The following CTNNA3 variants were observed in gnomAD, a reference collection of about 807,000 sequenced individuals.
CTNNA3 encodes catenin alpha 3.
A neutral mutation model predicts 95.7 loss-of-function variants in CTNNA3; 76 were observed. The observed-to-expected ratio is 0.79, with a 90% confidence interval of 0.66 to 0.96. CTNNA3 has a LOEUF of 0.96. Ranked by LOEUF, CTNNA3 falls within the 40% of genes least tolerant of loss-of-function variation. The pLI is 0.00. For synonymous variants in CTNNA3, 431 were observed against 374.4 expected, an observed-to-expected ratio of 1.15 and a Z score of -1.74; for missense variants, 1,191 against 1,089.8, an observed-to-expected ratio of 1.09 and a Z score of -1.31.
At chr10:67,722,430 T>G (rs1239686424) in intron 1 of CTNNA3, among the ~76,000 whole-genome samples, 1 of 152,204 alleles carries the variant, frequency 6.6e-6, no homozygotes, top group African/African-American at 2.4e-5. Context: ...TCCTTGAATT[T>G]TAACAGATAT....
intron 5 of CTNNA3, among the ~76,000 whole-genome samples, chr10:67,481,258 G>A (rs1027142593): frequency 6.6e-6 from 1 of 152,120 alleles, no homozygotes; most frequent in Non-Finnish European, 1.5e-5. Flanking sequence ...CTTCAGCATA[G>A]TACTGGAAGT....
At chr10:66,105,313 A>G (rs991549373) in intron 13 of CTNNA3, among the ~76,000 whole-genome samples, 3 of 152,184 alleles carry the variant, frequency 2.0e-5, no homozygotes, top group Non-Finnish European at 2.9e-5. Context: ...TTGTCACAGT[A>G]TTCTTGAGAA....
chr10:66,546,534 T>A (rs2939909), intron 10 of CTNNA3, among the ~76,000 whole-genome samples: 140,201 of 152,212 alleles, frequency 0.92, 64,764 homozygotes, highest in East Asian at 0.98. Context: ...ATTGACTCAC[T>A]GTTTAGCATG....
chr10:66,768,119 A>C (rs1287279132), intron 8 of CTNNA3, among the ~76,000 whole-genome samples: 1 of 152,234 alleles, frequency 6.6e-6, no homozygotes, highest in Non-Finnish European at 1.5e-5. Flanking sequence ...AGTTTCAGAT[A>C]CTGAAGAGAA....
chr10:67,052,767 GAAAC>G (rs1363984302), intron 7 of CTNNA3: 6 of 151,916 alleles, frequency 3.9e-5, no homozygotes, highest in African/African-American at 7.3e-5. Context: ...AACAAACAAA[GAAAC>G]AAACAAAGTT....
At chr10:67,365,066 T>C (rs1013515581) in intron 5 of CTNNA3, among the ~76,000 whole-genome samples, 5 of 151,974 alleles carry the variant, frequency 3.3e-5, no homozygotes, top group African/African-American at 1.2e-4. Context: ...TCAGAAATAA[T>C]ACCACACATC....
chr10:67,144,730 ATCT>A (rs1451605494), intron 7 of CTNNA3, among the ~76,000 whole-genome samples: 1 of 152,124 alleles, frequency 6.6e-6, no homozygotes, highest in Non-Finnish European at 1.5e-5. Flanking sequence ...GGCTGGTTTG[ATCT>A]TCTATCCAGA....
chr10:67,681,149 G>C (rs1335095585), intron 1 of CTNNA3, among the ~76,000 whole-genome samples: 4 of 152,114 alleles, frequency 2.6e-5, no homozygotes, highest in Non-Finnish European at 5.9e-5. Flanking sequence ...AATGTCCACA[G>C]ACCACTTGAG....
chr10:66,910,371 T>C (rs1486308086), intron 7 of CTNNA3, among the ~76,000 whole-genome samples: 1 of 152,204 alleles, frequency 6.6e-6, no homozygotes, highest in Non-Finnish European at 1.5e-5. Flanking sequence ...GCTTAAAGCA[T>C]CTGCCAAGTC....
chr10:66,578,848 T>G (rs1843091701), intron 10 of CTNNA3, among the ~76,000 whole-genome samples: 1 of 151,528 alleles, frequency 6.6e-6, no homozygotes, highest in African/African-American at 2.4e-5. Flanking sequence ...AGAATGATGC[T>G]GGCTTCAAAG....
rs371918934 is a variant in CTNNA3 at position 66,815,040 on chromosome 10, C to T, written c.1048-39516G>A. Among the ~76,000 whole-genome samples, 9 of 151,636 alleles carry T rather than the reference C, an allele frequency of 5.9e-5. No homozygotes were observed. In the South Asian group the frequency reaches 1.0e-3, roughly 18 times the overall value. On this transcript the variant is annotated intron_variant, in intron 7 of 17. Coordinates refer to ENST00000433211, the MANE Select transcript of CTNNA3 (RefSeq NM_013266.4). ...CTAATTTTTGTATTTTTAGTAGAGACGGGGTTTCACCGTATTCGCCAACAT... is the reference window on the plus strand; with the variant it reads ...CTAATTTTTGTATTTTTAGTAGAGATGGGGTTTCACCGTATTCGCCAACAT...
chr10:66,444,603 A>C (rs1413391128), intron 11 of CTNNA3, among the ~76,000 whole-genome samples: 3 of 151,976 alleles, frequency 2.0e-5, no homozygotes, highest in Non-Finnish European at 2.9e-5. Context: ...GAAATAAAAT[A>C]CTTTACAGAC....
intron 13 of CTNNA3, among the ~76,000 whole-genome samples, chr10:66,115,238 C>T (rs2082279392): frequency 6.6e-6 from 1 of 152,100 alleles, no homozygotes; most frequent in Non-Finnish European, 1.5e-5. Context: ...TTTCGATTGA[C>T]AAGAGGAAAA....
chr10:66,927,807 T>C lies in CTNNA3; in HGVS notation c.1048-152283A>G. The C allele has an allele frequency of 6.2e-7, 1 of 1,614,196 alleles. No individual in the cohort carries two copies. The highest frequency in any genetic ancestry group is 1.3e-5 in the African/African-American group (1 of 75,042). ...AGCTCACATTTATTGGTCAAGAGAT[T>C]TTGGATTCTTGGATATCCCTCAATG... On this transcript the variant is annotated intron_variant, in intron 7 of 17. Transcript: ENST00000433211. This position sits in a 1 kb window ranked among gnomAD's most constrained non-coding sequence, Gnocchi z 4.7.
At chr10:66,914,101 CAA>C (rs1846355804) in intron 7 of CTNNA3, among the ~76,000 whole-genome samples, 1 of 150,494 alleles carries the variant, frequency 6.6e-6, no homozygotes, top group Non-Finnish European at 1.5e-5. Flanking sequence ...AATCCACCAC[CAA>C]AACCTTGCCC....
intron 11 of CTNNA3, among the ~76,000 whole-genome samples, chr10:66,431,468 T>A (rs2093295135): frequency 1.3e-5 from 2 of 152,090 alleles, no homozygotes; most frequent in African/African-American, 4.8e-5. Context: ...GTGGCACTAT[T>A]CACAATAGCA....
chr10:66,988,619 T>C (rs920069855), intron 7 of CTNNA3, among the ~76,000 whole-genome samples: 1 of 152,306 alleles, frequency 6.6e-6, no homozygotes, highest in South Asian at 2.1e-4. Flanking sequence ...TTTTGTTTGA[T>C]ACACTATGTT....
At chr10:67,683,862 C>T (rs771326817) in intron 1 of CTNNA3, among the ~76,000 whole-genome samples, 12 of 151,766 alleles carry the variant, frequency 7.9e-5, no homozygotes, top group South Asian at 2.1e-4. Flanking sequence ...CTCTTAAAGG[C>T]GGCATATCCG....
chr10:66,712,380 A>G, intron 9 of CTNNA3, among the ~76,000 whole-genome samples: 1 of 152,246 alleles, frequency 6.6e-6, no homozygotes, highest in Non-Finnish European at 1.5e-5. Context: ...TAGCCTGCAT[A>G]TTGAGTAAGA....
Sources: allele counts gnomAD v4.1 joint callset (sites outside exome capture counted in the v4.1 genomes callset), GRCh38; gene constraint gnomAD v4.1.1; non-coding constraint Gnocchi (gnomAD v3.1); transcripts MANE v1.5; gene names NCBI Gene and HGNC (gene_info 2026-07-23, HGNC 2026-07-21).